Variants in DGKB observed in about 807,000 individuals in gnomAD.
The protein encoded by DGKB is diacylglycerol kinase beta, also known as 90 kDa diacylglycerol kinase.
Under a neutral mutation model 114.3 loss-of-function variants are expected in DGKB, and 67 were observed. That is an observed-to-expected ratio of 0.59 (90% CI 0.48 to 0.72). The LOEUF (loss-of-function observed/expected upper bound fraction) is 0.72. Ranked by LOEUF, DGKB falls within the 30% of genes least tolerant of loss-of-function variation. DGKB has a pLI of 0.00. For synonymous variants in DGKB, 398 were observed against 323.1 expected, an observed-to-expected ratio of 1.23 and a Z score of -2.49; for missense variants, 907 against 975.2, an observed-to-expected ratio of 0.93 and a Z score of 0.93.
chr7:14,553,565 A>G (rs1289550540), intron 20 of DGKB, among the ~76,000 whole-genome samples: 1 of 152,318 alleles, frequency 6.6e-6, no homozygotes, highest in East Asian at 1.9e-4. Context: ...AACCACATCC[A>G]ATCGCAAATC....
At chr7:14,529,414 C>A (rs1791188872) in intron 20 of DGKB, among the ~76,000 whole-genome samples, 1 of 151,700 alleles carries the variant, frequency 6.6e-6, no homozygotes, top group African/African-American at 2.4e-5. Context: ...AAATAAATAA[C>A]TACTTTTTTC....
At chr7:14,543,187 C>T (rs1793744097) in intron 20 of DGKB, among the ~76,000 whole-genome samples, 2 of 152,228 alleles carry the variant, frequency 1.3e-5, no homozygotes, top group South Asian at 2.1e-4. Flanking sequence ...TAGTGGCTCA[C>T]ACCTGTAATC....
At position 14,753,931 on chromosome 7, in the gene DGKB, G is replaced by A; in HGVS notation, c.165C>T (p.Asn55=). Residue 55 remains asparagine (N), a synonymous_variant, in exon 4 of 26, where the codon AAC becomes AAT. Coordinates refer to ENST00000402815, the MANE Select transcript of DGKB (RefSeq NM_001350709.2). ...AATAGAAAAGAAAATGTCTTACTTG[G>A]TTAAGAATGTCTTGTTTCTGTGCAT... The part of the protein sequence containing the change: ...YNPEGKQDIL[N]QTIDFEGFKL... The A allele has an allele frequency of 6.6e-7, 1 of 1,511,442 alleles. No individual in the cohort carries two copies. Among genetic ancestry groups the A allele is most frequent in the East Asian group, 2.4e-5 (1 of 42,436 alleles). 93.6% of individuals were successfully genotyped at this position (1,511,442 alleles called of 1,614,324 possible).
intron 21 of DGKB, among the ~76,000 whole-genome samples, chr7:14,451,800 G>T (rs543761542): frequency 6.6e-6 from 1 of 152,036 alleles, no homozygotes; most frequent in Non-Finnish European, 1.5e-5. Context: ...AACAAGATCA[G>T]CTATTTACTT....
At chr7:14,834,700 C>T (rs1474090690) in intron 2 of DGKB, among the ~76,000 whole-genome samples, 1 of 152,020 alleles carries the variant, frequency 6.6e-6, no homozygotes, top group African/African-American at 2.4e-5. Flanking sequence ...TTGTGTTAGC[C>T]CACTAAGACT....
At chr7:14,336,262 T>C (rs1810642454) in intron 23 of DGKB, among the ~76,000 whole-genome samples, 1 of 152,120 alleles carries the variant, frequency 6.6e-6, no homozygotes, top group Non-Finnish European at 1.5e-5. Context: ...GTGAAAACAA[T>C]AGTGAAATCA....
chr7:14,333,472 A>C (rs1304327364), intron 23 of DGKB, among the ~76,000 whole-genome samples: 1 of 151,934 alleles, frequency 6.6e-6, no homozygotes, highest in Non-Finnish European at 1.5e-5. Flanking sequence ...AAAAAAAAAA[A>C]AAAAAAAAAA....
At chr7:14,878,557 A>T (rs781484746) in intron 1 of DGKB, among the ~76,000 whole-genome samples, 1 of 152,076 alleles carries the variant, frequency 6.6e-6, no homozygotes, top group Non-Finnish European at 1.5e-5. Context: ...CATCCTGGCT[A>T]ACATGGTGAA....
intron 7 of DGKB, 39 bp from the exon 8 acceptor site, chr7:14,698,208 T>A: frequency 7.9e-7 from 1 of 1,262,080 alleles, no homozygotes; most frequent in Non-Finnish European, 1.1e-6. Context: ...GAATACAAGA[T>A]CTTAGTGAGT....
chr7:14,895,080 T>G (rs147700363), intron 1 of DGKB, among the ~76,000 whole-genome samples: 1,708 of 151,664 alleles, frequency 0.011, 24 homozygotes, highest in Admixed American at 0.016. Flanking sequence ...ACAGGTTGTT[T>G]ATGTGCAGCC....
intron 21 of DGKB, among the ~76,000 whole-genome samples, chr7:14,433,449 TA>T (rs1160561908): frequency 1.3e-5 from 2 of 152,100 alleles, no homozygotes; most frequent in Admixed American, 1.3e-4. Flanking sequence ...TTTTACTTGC[TA>T]GCTGTGTTAC....
chr7:14,671,979 A>T (rs1230598513), intron 13 of DGKB, among the ~76,000 whole-genome samples: 1 of 152,120 alleles, frequency 6.6e-6, no homozygotes, highest in East Asian at 1.9e-4. Context: ...ATACTCAGCA[A>T]TATGGAGGTA....
chr7:14,778,420 C>T (rs963001008), intron 2 of DGKB, among the ~76,000 whole-genome samples: 9 of 152,070 alleles, frequency 5.9e-5, no homozygotes, highest in South Asian at 4.1e-4. Flanking sequence ...ATGTGCTACA[C>T]GCTCCACATT....
intron 2 of DGKB, among the ~76,000 whole-genome samples, chr7:14,808,352 A>C (rs1198465219): frequency 6.6e-6 from 1 of 152,084 alleles, no homozygotes; most frequent in African/African-American, 2.4e-5. Context: ...AAAAGGGTAA[A>C]CAAACTTGCA....
chr7:14,198,175 C>T (rs2128284331), intron 23 of DGKB, among the ~76,000 whole-genome samples: 1 of 152,038 alleles, frequency 6.6e-6, no homozygotes, highest in Non-Finnish European at 1.5e-5. Flanking sequence ...TCGCATAAAT[C>T]ATCAATAAAA....
intron 14 of DGKB, among the ~76,000 whole-genome samples, chr7:14,624,852 A>T (rs560261936): frequency 6.6e-6 from 1 of 152,084 alleles, no homozygotes; most frequent in African/African-American, 2.4e-5. Flanking sequence ...GCAAAAATAT[A>T]GTCGGGCATG....
At chr7:14,658,049 C>T (rs1012103291) in intron 13 of DGKB, among the ~76,000 whole-genome samples, 1 of 151,886 alleles carries the variant, frequency 6.6e-6, no homozygotes, top group African/African-American at 2.4e-5. Context: ...ACTTAATCAC[C>T]ATATTTACAA....
chr7:14,897,798 T>G (rs1270925431), intron 1 of DGKB, among the ~76,000 whole-genome samples: 2 of 151,986 alleles, frequency 1.3e-5, no homozygotes, highest in Non-Finnish European at 2.9e-5. Context: ...ATCATAGTTT[T>G]TATTTGAAAG....
At chr7:14,639,035 T>C (rs1811254551) in intron 13 of DGKB, among the ~76,000 whole-genome samples, 1 of 151,258 alleles carries the variant, frequency 6.6e-6, no homozygotes, top group Admixed American at 6.6e-5. Context: ...TGAAACTCCA[T>C]CTCAAAAATA....
Sources: allele counts gnomAD v4.1 joint callset (sites outside exome capture counted in the v4.1 genomes callset), GRCh38; gene constraint gnomAD v4.1.1; transcripts MANE v1.5; gene names NCBI Gene and HGNC (gene_info 2026-07-23, HGNC 2026-07-21).